Variants in CCDC15 observed in about 807,000 individuals in gnomAD.
CCDC15 encodes coiled-coil domain-containing protein 15.
A neutral mutation model predicts 114.5 loss-of-function variants in CCDC15; 105 were observed. The ratio of observed to expected loss-of-function variants is 0.92; its 90% CI spans 0.78 to 1.08. The LOEUF (loss-of-function observed/expected upper bound fraction) is 1.08, where lower values mean the gene tolerates loss of function less well. Ranked by LOEUF, CCDC15 falls within the 50% of genes least tolerant of loss-of-function variation. The pLI is 0.00. For missense variants in CCDC15, 1,105 were observed against 1,093.6 expected, an observed-to-expected ratio of 1.01 and a Z score of -0.15; for synonymous variants, 334 against 377.8, an observed-to-expected ratio of 0.88 and a Z score of 1.34.
chr11:124,991,611 G>A, intron 9 of CCDC15, 28 bp downstream of exon 9: 1 of 1,565,858 alleles, frequency 6.4e-7, no homozygotes, highest in Admixed American at 1.9e-5. Flanking sequence ...GATATAAACA[G>A]GAAGGAAGTA....
intron 13 of CCDC15, among the ~76,000 whole-genome samples, chr11:125,007,282 T>G (rs1948559567): frequency 6.6e-6 from 1 of 152,212 alleles, no homozygotes; most frequent in African/African-American, 2.4e-5. Flanking sequence ...ACTTTCTACC[T>G]CTATGGGATC....
chr11:125,004,169 T>C (rs1388137262), intron 12 of CCDC15, among the ~76,000 whole-genome samples: 1 of 152,022 alleles, frequency 6.6e-6, no homozygotes. Context: ...GTGAAATCAA[T>C]TATTTGATAC....
In CCDC15 at chr11:124,991,545, C is replaced by T; in HGVS notation, c.1993C>T (p.Pro665Ser). The T allele has an allele frequency of 6.2e-7, 1 of 1,608,606 alleles. No homozygotes were observed. Residue 665 changes from proline to serine, a missense_variant, in exon 9 of 16, where the codon CCT becomes TCT. Pro to Ser is a moderately conservative substitution (Grantham distance 74). Transcript: ENST00000344762. ...TTCTCTGGCAGACTATCAGTGTTTG[C>T]CTCCCAAATCCCAGGACCAGGATGA... ...DFSLADYQCL[P>S]PKSQDQDDIK...
chr11:124,994,180 T>G (rs112084694), intron 11 of CCDC15, among the ~76,000 whole-genome samples: 3,798 of 152,320 alleles, frequency 0.025, 58 homozygotes, highest in Middle Eastern at 0.044. Context: ...AGCTATCTGT[T>G]TGGTCAGCTG....
At chr11:124,990,345 T>A (rs4935900) in intron 8 of CCDC15, among the ~76,000 whole-genome samples, 127,355 of 152,146 alleles carry the variant, frequency 0.84, 53,889 homozygotes, top group African/African-American at 0.96. Context: ...ATCATAGATC[T>A]CTATACCAGA....
chr11:125,028,201 C>T (rs867740806), intron 13 of CCDC15, among the ~76,000 whole-genome samples: 6 of 152,100 alleles, frequency 3.9e-5, no homozygotes, highest in African/African-American at 1.4e-4. Context: ...TGTGATGCCT[C>T]CAGGTTTGTT....
At chr11:125,011,424 G>T (rs1232787782) in intron 13 of CCDC15, among the ~76,000 whole-genome samples, 4 of 151,816 alleles carry the variant, frequency 2.6e-5, no homozygotes, top group Non-Finnish European at 4.4e-5. Flanking sequence ...TTTTAGTAGA[G>T]ACAGGGTTTC....
intron 13 of CCDC15, among the ~76,000 whole-genome samples, chr11:125,035,709 T>A (rs1487492092): frequency 6.6e-6 from 1 of 151,980 alleles, no homozygotes; most frequent in East Asian, 1.9e-4. Flanking sequence ...TGTTTTAATT[T>A]ATTGCTTTTT....
chr11:124,968,946 CA>C (rs1179916458), intron 4 of CCDC15, among the ~76,000 whole-genome samples: 2 of 152,018 alleles, frequency 1.3e-5, no homozygotes, highest in African/African-American at 4.8e-5. Flanking sequence ...CATGTTGAGT[CA>C]AAAATCTTCC....
intron 11 of CCDC15, among the ~76,000 whole-genome samples, chr11:124,998,396 A>G (rs1948411594): frequency 6.6e-6 from 1 of 152,100 alleles, no homozygotes; most frequent in African/African-American, 2.4e-5. Flanking sequence ...ATTCCGTTCT[A>G]TTATTGCATT....
intron 13 of CCDC15, among the ~76,000 whole-genome samples, chr11:125,023,422 AT>A (rs2135537019): frequency 6.6e-6 from 1 of 152,166 alleles, no homozygotes; most frequent in Non-Finnish European, 1.5e-5. Context: ...TGTCCAGAAT[AT>A]ATAAATGACT....
chr11:125,017,284 A>G (rs941544341), intron 13 of CCDC15, among the ~76,000 whole-genome samples: 1 of 152,198 alleles, frequency 6.6e-6, no homozygotes, highest in Non-Finnish European at 1.5e-5. Context: ...ATGAAAAAAC[A>G]TGATCCCTGT....
chr11:125,002,825 G>A (rs1188436202), intron 11 of CCDC15, among the ~76,000 whole-genome samples: 3 of 151,994 alleles, frequency 2.0e-5, no homozygotes, highest in Non-Finnish European at 4.4e-5. Flanking sequence ...TTGATGTTAG[G>A]AAGAGTGAGT....
In CCDC15 at chr11:124,990,929, G is replaced by A. The variant is rs143966720; in HGVS notation, c.1909-532G>A. On this transcript the variant is annotated intron_variant, in intron 8 of 15. Transcript: ENST00000344762. ...AGACCAACAGGAATTAGATTACTTA[G>A]GGTTGTGGTTGGACTTTTGTGGAAT... Among the ~76,000 whole-genome samples, 272 of 152,306 alleles carry A rather than the reference G, an allele frequency of 1.8e-3. 1 individual carries two copies. Among genetic ancestry groups the A allele is most frequent in the African/African-American group, 6.0e-3 (251 of 41,570 alleles).
Position 125,005,137 on chromosome 11 carries a change from G to A in CCDC15, c.2336G>A (p.Arg779Gln), listed in dbSNP as rs747569614. Residue 779 changes from arginine to glutamine, a missense_variant, in exon 13 of 16, where the codon CGA becomes CAA. Transcript: ENST00000344762. ...ERQKQYLRHR[R>Q]LFMDIEREQV... Reference sequence around the variant, plus strand: ...CAAAAGCAGTACCTGAGACATAGACGACTTTTCATGGATATTGAGAGAGAA... The same window carrying A: ...CAAAAGCAGTACCTGAGACATAGACAACTTTTCATGGATATTGAGAGAGAA... 5.1e-6 allele frequency: 8 copies of A among 1,558,236 alleles called. No individual in the cohort carries two copies. The highest frequency in any genetic ancestry group is 3.7e-5 in the Admixed American group (2 of 53,456).
intron 4 of CCDC15, 29 bp from the exon 5 acceptor site, chr11:124,975,067 G>T: frequency 7.1e-7 from 1 of 1,415,448 alleles, no homozygotes; most frequent in Non-Finnish European, 9.7e-7. Flanking sequence ...TCCTGCTTTT[G>T]TTTGCTTTCT....
At chr11:124,986,684 TG>T in intron 6 of CCDC15, 57 bp from the exon 7 acceptor site, 1 of 1,395,406 alleles carries the variant, frequency 7.2e-7, no homozygotes, top group Non-Finnish European at 9.6e-7. Context: ...TGTGTGTGTG[TG>T]TGTGTTTGTG....
chr11:125,035,621 C>CT (rs554622962), intron 13 of CCDC15, among the ~76,000 whole-genome samples: 2 of 151,884 alleles, frequency 1.3e-5, no homozygotes, highest in Non-Finnish European at 2.9e-5. Context: ...CATTTTGTTA[C>CT]TTTTTTTTCT....
Position 125,001,645 on chromosome 11 carries a change from G to A in CCDC15, c.2215-2222G>A, listed in dbSNP as rs1455993019. ...TATTCTGGGTAGTCTATGTAAAGGAGACCATGAAAGATGTGGCCTTTCGTG... is the reference window on the plus strand; with the variant it reads ...TATTCTGGGTAGTCTATGTAAAGGAAACCATGAAAGATGTGGCCTTTCGTG... On this transcript the variant is annotated intron_variant, in intron 11 of 15. Coordinates refer to ENST00000344762, the MANE Select transcript of CCDC15 (RefSeq NM_025004.3). Among the ~76,000 whole-genome samples the A allele has an allele frequency of 2.0e-5, 3 of 152,184 alleles. No homozygotes were observed. The East Asian group carries it at 5.8e-4, about 29-fold the overall frequency.
Sources: gnomAD v4.1 joint callset for allele counts (sites outside exome capture counted in the v4.1 genomes callset) on GRCh38, gnomAD v4.1.1 for gene constraint, MANE v1.5 for transcripts, NCBI Gene and HGNC (gene_info 2026-07-23, HGNC 2026-07-21) for gene names.